DGKA: variants seen among roughly 807,000 people sequenced by gnomAD.
DGKA encodes the protein diacylglycerol kinase alpha, also known as 80 kDa diacylglycerol kinase.
Under a neutral mutation model 105.0 loss-of-function variants are expected in DGKA, and 35 were observed. That is an observed-to-expected ratio of 0.33 (90% CI 0.25 to 0.44). The LOEUF is 0.44. Among genes scored for constraint, DGKA ranks in the 20% least tolerant of loss-of-function variants. The pLI is 1.00. For synonymous variants in DGKA, 296 were observed against 332.0 expected (o/e 0.89, Z 1.18); for missense variants, 665 against 915.0 (o/e 0.73, Z 3.53).
At chr12:55,941,643 G>A (rs190220517) in intron 15 of DGKA, 59 bp downstream of exon 15, 307 of 1,534,896 alleles carry the variant, frequency 2.0e-4, no homozygotes, top group Non-Finnish European at 2.5e-4. Context: ...ATCTGTATAT[G>A]TTAGGAGAGT....
upstream of DGKA, among the ~76,000 whole-genome samples, chr12:55,930,142 G>A (rs1211188552): frequency 6.6e-6 from 1 of 152,108 alleles, no homozygotes; most frequent in Non-Finnish European, 1.5e-5. Flanking sequence ...AGAGCAGAGA[G>A]GCTTTACACA....
rs757127173 is a variant in DGKA, at chr12:55,952,835, C to G, written c.1845C>G (p.Thr615=). The G allele has an allele frequency of 1.9e-6, 3 of 1,614,104 alleles. No individual in the cohort carries two copies. The highest frequency in any genetic ancestry group is 2.5e-6 in the Non-Finnish European group (3 of 1,180,010). The stretch of plus-strand genomic sequence containing the variant: ...GTGGCTCCAACCTCTGGGGTGATAC[C>G]AGGAGACCCCATGGGGATATCTATG... ...MHGGSNLWGD[T]RRPHGDIYGI... Residue 615 remains threonine, a synonymous_variant, in exon 21 of 24, where the codon ACC becomes ACG. Transcript: ENST00000331886. This position sits in a 1 kb window ranked among gnomAD's most constrained non-coding sequence, Gnocchi z 5.1.
At chr12:55,930,173 T>C (rs1325590312), upstream of DGKA, among the ~76,000 whole-genome samples, 3 of 152,106 alleles carry the variant, frequency 2.0e-5, no homozygotes, top group Non-Finnish European at 2.9e-5. Flanking sequence ...CTCATTGATA[T>C]AGTCCCTAAA....
chr12:55,939,656 C>A, intron 9 of DGKA, 127 bp downstream of exon 9: 1 of 824,166 alleles, frequency 1.2e-6, no homozygotes, highest in Non-Finnish European at 1.9e-6. Flanking sequence ...GTTATGTGAC[C>A]TTGGGAAAGC....
chr12:55,927,872 G>A, upstream of DGKA: 2 of 1,392,108 alleles, frequency 1.4e-6, no homozygotes, highest in South Asian at 1.3e-5. Context: ...GTTGCTTCTC[G>A]CCCAGACCTC....
rs775331883 is a variant in DGKA at position 55,951,741 on chromosome 12, A to T, written c.1545A>T (p.Pro515=). 3.7e-6 allele frequency: 6 copies of T among 1,614,028 alleles called. No individual in the cohort carries two copies. The South Asian group carries it at 6.6e-5, about 18-fold the overall frequency. The change falls in exon 18 of 24, where the codon CCA becomes CCT. Residue 515 remains proline (P), a synonymous_variant. Transcript: ENST00000331886. ...AACAAACTGAAGAAAAAAGTGACCC[A>T]GTCCCCTTTCAAATCATCAATAACT... ...IPQQTEEKSD[P]VPFQIINNYF... is the part of the protein sequence containing the mutation.
chr12:55,941,195 A>G, intron 13 of DGKA, 57 bp from the exon 14 acceptor site: 1 of 1,561,798 alleles, frequency 6.4e-7, no homozygotes. Context: ...TCCTGGGCCC[A>G]CCTTAACTCT....
chr12:55,935,553 C>CGG (rs1884464156), intron 1 of DGKA: 1 of 152,314 alleles, frequency 6.6e-6, no homozygotes, highest in South Asian at 2.1e-4. Flanking sequence ...CACTAGCACT[C>CGG]GGCTCCATCG....
intron 17 of DGKA, among the ~76,000 whole-genome samples, chr12:55,947,682 T>C (rs1447008291): frequency 6.6e-6 from 1 of 152,210 alleles, no homozygotes; most frequent in Non-Finnish European, 1.5e-5. Context: ...CAAACCATGG[T>C]GCAGTGAACA....
intron 17 of DGKA, among the ~76,000 whole-genome samples, chr12:55,945,416 C>CG (rs1226863013): frequency 2.0e-5 from 3 of 152,124 alleles, no homozygotes; most frequent in African/African-American, 7.2e-5. Context: ...TCTGCATTAG[C>CG]GTCCCATTGC....
Position 55,952,112 on chromosome 12 carries a change from A to G in DGKA, c.1652+13A>G, listed in dbSNP as rs1888279252. On this transcript the variant is annotated intron_variant, in intron 19 of 23. Coordinates refer to ENST00000331886, the MANE Select transcript of DGKA (RefSeq NM_001345.5). The surrounding 1 kb of genome is among the most constrained non-coding windows in gnomAD (Gnocchi z 5.1). ...AGTTCAACAGCAGGTTAGGGAAAGG[A>G]GGGGGCAGTGTGGGCATACACAGTG... 1 of 1,613,884 alleles carries G rather than the reference A, an allele frequency of 6.2e-7. No homozygotes were observed. Among genetic ancestry groups the G allele is most frequent in the Admixed American group, 1.7e-5 (1 of 59,986 alleles).
chr12:55,938,518 C>T lies in DGKA; in HGVS notation c.357C>T (p.Phe119=). The T allele has an allele frequency of 6.2e-7, 1 of 1,614,140 alleles. No individual in the cohort carries two copies. The highest frequency in any genetic ancestry group is 8.5e-7 in the Non-Finnish European group (1 of 1,180,006). ...CCCTAAAACACCCCACAGTCACCTTCAAGCTGTACGACACGGACAGAAATG... is the reference window on the plus strand; with the variant it reads ...CCCTAAAACACCCCACAGTCACCTTTAAGCTGTACGACACGGACAGAAATG... ...GRPEDKLEFT[F]KLYDTDRNGI... is the part of the protein sequence containing the mutation. Residue 119 remains phenylalanine (F), a synonymous_variant, in exon 6 of 24, where the codon TTC becomes TTT. Transcript: ENST00000331886.
upstream of DGKA, chr12:55,927,862 G>A (rs1883225811): frequency 1.4e-6 from 2 of 1,446,954 alleles, no homozygotes; most frequent in Non-Finnish European, 1.8e-6. Context: ...GAGGGCCCTA[G>A]TTGCTTCTCG....
At chr12:55,934,766 G>A (rs1884314480) in intron 1 of DGKA, among the ~76,000 whole-genome samples, 1 of 152,128 alleles carries the variant, frequency 6.6e-6, no homozygotes, top group African/African-American at 2.4e-5. Context: ...GGACACTCTG[G>A]CATCCTATTC....
intron 1 of DGKA, among the ~76,000 whole-genome samples, chr12:55,934,569 C>G (rs1303079796): frequency 6.6e-6 from 1 of 152,198 alleles, no homozygotes; most frequent in Non-Finnish European, 1.5e-5. Context: ...AGGAAAAGGG[C>G]TAGGCTGTTC....
At position 55,937,106 on chromosome 12, in the gene DGKA, G is replaced by A; in HGVS notation, c.138+16G>A. On this transcript the variant is annotated intron_variant, in intron 3 of 23. Transcript: ENST00000331886. ...CCAAGGAGATGTGAGTGGCAGCTGG[G>A]AAATCTTCTTCTTGATCAACTCTTC... 1 of 1,613,736 alleles carries A rather than the reference G, an allele frequency of 6.2e-7. No homozygotes were observed. The highest frequency in any genetic ancestry group is 8.5e-7 in the Non-Finnish European group (1 of 1,179,670).
intron 17 of DGKA, among the ~76,000 whole-genome samples, chr12:55,943,672 TCAAA>T (rs1161861856): frequency 6.6e-6 from 1 of 151,354 alleles, no homozygotes; most frequent in Admixed American, 6.6e-5. Flanking sequence ...TTTAACTCAA[TCAAA>T]CAAGCAGCAG....
In DGKA at chr12:55,936,307, G is replaced by A. The variant is rs563162405; in HGVS notation, c.-81-116G>A. 27 of 1,189,692 alleles carry A rather than the reference G, an allele frequency of 2.3e-5. No individual in the cohort carries two copies. In the South Asian group the frequency reaches 3.6e-4, roughly 16 times the overall value. The allele number at this position is 1,189,692 out of a possible 1,614,324, so 73.7% of individuals were successfully genotyped here. On this transcript the variant is annotated intron_variant, in intron 1 of 23. Transcript: ENST00000331886. ...AGGAAGATGTTTAGGGAGGGACTAG[G>A]AGAGAAGGAAAGAACAAAAAATAAT...
rs1419598219 is a variant in DGKA at position 55,932,629 on chromosome 12, A to G, written c.-82+1285A>G. On this transcript the variant is annotated intron_variant, in intron 1 of 23. Coordinates refer to ENST00000331886, the MANE Select transcript of DGKA (RefSeq NM_001345.5). This position sits in a 1 kb window ranked among gnomAD's most constrained non-coding sequence, Gnocchi z 4.3. ...CATCTCTTCAGCCTCAGCACAGACA[A>G]GCCCACATCCCCCAACCATGCCAGT... The G allele has an allele frequency of 1.4e-6, 1 of 702,120 alleles. No homozygotes were observed. The highest frequency in any genetic ancestry group is 1.5e-5 in the South Asian group (1 of 67,572). 43.5% of individuals were successfully genotyped at this position (702,120 alleles called of 1,614,324 possible). A position where few individuals can be genotyped will look rare whatever the true frequency, so the allele number is the denominator to read the frequency against.
Sources: allele counts gnomAD v4.1 joint callset (sites outside exome capture counted in the v4.1 genomes callset), GRCh38; gene constraint gnomAD v4.1.1; non-coding constraint Gnocchi (gnomAD v3.1); transcripts MANE v1.5; gene names NCBI Gene and HGNC (gene_info 2026-07-23, HGNC 2026-07-21).